The following PROM1 variants were observed in gnomAD, a reference collection of about 807,000 sequenced individuals.
PROM1 encodes the protein prominin-1.
In PROM1, 105 loss-of-function variants were observed where a neutral mutation model predicts 116.9. That is an observed-to-expected ratio of 0.90 (90% CI 0.77 to 1.06). The LOEUF is 1.06. Among genes scored for constraint, PROM1 ranks in the 50% least tolerant of loss-of-function variants. PROM1 has a pLI of 0.00. For synonymous variants in PROM1, 393 were observed against 387.0 expected (o/e 1.02, Z -0.18); for missense variants, 1,122 against 1,045.2 (o/e 1.07, Z -1.01).
intron 2 of PROM1, among the ~76,000 whole-genome samples, chr4:16,065,432 C>CA (rs1475871740): frequency 1.1e-4 from 16 of 152,074 alleles, no homozygotes; most frequent in African/African-American, 3.9e-4. Flanking sequence ...TGATTGCCCC[C>CA]ACCATGACCA....
chr4:16,021,106 A>AAG (rs1364673172), intron 8 of PROM1, among the ~76,000 whole-genome samples: 1 of 151,928 alleles, frequency 6.6e-6, no homozygotes, highest in Non-Finnish European at 1.5e-5. Context: ...GCCAAAAAAA[A>AAG]AAAAAAAATG....
At chr4:16,050,753 T>C (rs147877150) in intron 2 of PROM1, among the ~76,000 whole-genome samples, 1 of 152,374 alleles carries the variant, frequency 6.6e-6, no homozygotes, top group Non-Finnish European at 1.5e-5. Flanking sequence ...AAGTTTATTC[T>C]GATGCAAAAA....
chr4:16,059,532 T>C (rs1739829820), intron 2 of PROM1, among the ~76,000 whole-genome samples: 1 of 152,088 alleles, frequency 6.6e-6, no homozygotes, highest in Admixed American at 6.6e-5. Flanking sequence ...GGGGAGATCC[T>C]GTCTCTCTAA....
chr4:16,026,129 C>T (rs1731208727), intron 5 of PROM1, among the ~76,000 whole-genome samples: 2 of 152,098 alleles, frequency 1.3e-5, no homozygotes. Context: ...TGCAAAAACG[C>T]CATATGAAAG....
chr4:15,994,592 G>C (rs567728316), intron 15 of PROM1, among the ~76,000 whole-genome samples: 2 of 152,294 alleles, frequency 1.3e-5, no homozygotes, highest in African/African-American at 4.8e-5. Context: ...TCGATGGTCA[G>C]CACAGTTTGG....
At chr4:16,067,089 G>T (rs1741715257) in intron 2 of PROM1, among the ~76,000 whole-genome samples, 1 of 152,170 alleles carries the variant, frequency 6.6e-6, no homozygotes. Context: ...CACGTCACCT[G>T]CCACTCAAAC....
At chr4:15,969,403 C>T (rs1361739203) in intron 27 of PROM1, 35 bp from the exon 28 acceptor site, 2 of 152,116 alleles carry the variant, frequency 1.3e-5, no homozygotes, top group African/African-American at 2.4e-5. Flanking sequence ...TTAGAAATTG[C>T]TTTTGAATTA....
intron 12 of PROM1, among the ~76,000 whole-genome samples, 178 bp downstream of exon 12, chr4:16,008,771 C>A (rs1459940776): frequency 3.9e-5 from 6 of 152,202 alleles, no homozygotes; most frequent in Non-Finnish European, 7.3e-5. Flanking sequence ...TATGTGCTGC[C>A]TGGTCTAAGC....
At chr4:16,072,835 C>G (rs990389726) in intron 2 of PROM1, among the ~76,000 whole-genome samples, 1 of 152,082 alleles carries the variant, frequency 6.6e-6, no homozygotes, top group Non-Finnish European at 1.5e-5. Context: ...CTTTGCAGAC[C>G]CTGTGTTTTG....
chr4:15,989,503 G>C (rs1215653671), intron 19 of PROM1, among the ~76,000 whole-genome samples: 2 of 152,258 alleles, frequency 1.3e-5, no homozygotes, highest in Non-Finnish European at 2.9e-5. Context: ...GGAAGAGACA[G>C]CCACAGATTT....
At position 16,072,963 on chromosome 4, in the gene PROM1, C is replaced by T. The variant is rs1743136075; in HGVS notation, c.220+2724G>A. On this transcript the variant is annotated intron_variant, in intron 2 of 27. Transcript: ENST00000447510. ...ATTCCCTATGATTTCATCTTCTACCCGACCAATCAGCACTCCCCACTTTCT... is the reference window on the plus strand; with the variant it reads ...ATTCCCTATGATTTCATCTTCTACCTGACCAATCAGCACTCCCCACTTTCT... Among the ~76,000 whole-genome samples the T allele has an allele frequency of 2.6e-5, 4 of 152,224 alleles. No homozygotes were observed. In the South Asian group the frequency reaches 6.2e-4, roughly 24 times the overall value.
intron 2 of PROM1, among the ~76,000 whole-genome samples, chr4:16,069,987 C>T (rs1742437691): frequency 2.0e-5 from 3 of 152,196 alleles, no homozygotes; most frequent in East Asian, 1.9e-4. Flanking sequence ...TCAGCTAATG[C>T]GATTGGGTAA....
intron 23 of PROM1, among the ~76,000 whole-genome samples, chr4:15,983,581 T>C (rs565239897): frequency 6.6e-6 from 1 of 152,146 alleles, no homozygotes; most frequent in African/African-American, 2.4e-5. Context: ...GGCATGTGCA[T>C]GGGCCCTAAG....
rs1714423822 is a variant in PROM1, at chr4:15,971,088, A to T, written c.2583-6T>A. The T allele has an allele frequency of 6.4e-7, 1 of 1,565,098 alleles. No individual in the cohort carries two copies. The highest frequency in any genetic ancestry group is 1.4e-5 in the African/African-American group (1 of 73,752). ...GCTATCAATGTTGTGATGGGCTAAA[A>T]AACAAAAAAATAAAGAAATATAATA... On this transcript the variant is annotated splice_region_variant and splice_polypyrimidine_tract_variant and intron_variant, in intron 26 of 27. Coordinates refer to ENST00000447510, the MANE Select transcript of PROM1 (RefSeq NM_006017.3).
chr4:16,056,504 T>C (rs762603316), intron 2 of PROM1, among the ~76,000 whole-genome samples: 1 of 151,604 alleles, frequency 6.6e-6, no homozygotes, highest in Non-Finnish European at 1.5e-5. Flanking sequence ...ATGTTTAGAG[T>C]CTATCAAGTG....
rs1731084174 is a variant in PROM1 at position 16,025,714 on chromosome 4, C to CAG, written c.510-403_510-402insCT. On this transcript the variant is annotated intron_variant, in intron 5 of 27. Coordinates refer to ENST00000447510, the MANE Select transcript of PROM1 (RefSeq NM_006017.3). ...ACATATGCATGTGTGTGAACACACA[C>CAG]ACACGCACACACACACACACACACA... Among the ~76,000 whole-genome samples, 4 of 116,670 alleles carry CAG rather than the reference C, an allele frequency of 3.4e-5. No individual in the cohort carries two copies. The South Asian group carries it at 1.0e-3, about 29-fold the overall frequency. The allele number at this position is 116,670 out of a possible 152,430, so 76.5% of individuals were successfully genotyped here. A position where few individuals can be genotyped will look rare whatever the true frequency, so the allele number is the denominator to read the frequency against.
rs75884627 is a variant in PROM1, at chr4:16,001,615, C to G, written c.1455-996G>C. 4.7e-3 allele frequency among the ~76,000 whole-genome samples: 711 copies of G among 152,228 alleles called. 29 individuals carry two copies. In the East Asian group the frequency reaches 0.11, roughly 23 times the overall value. On this transcript the variant is annotated intron_variant, in intron 13 of 27. Transcript: ENST00000447510. ...AGTGTTTGCAGGAGGAAGGAATGGT[C>G]GGCTGTCACCAACCAATGTGCTGTC...
chr4:16,067,283 T>A (rs1203245291), intron 2 of PROM1, among the ~76,000 whole-genome samples: 1 of 152,196 alleles, frequency 6.6e-6, no homozygotes, highest in African/African-American at 2.4e-5. Context: ...CTCCTTAGCC[T>A]CTGAGTCTCA....
At chr4:16,009,131 T>C in intron 11 of PROM1, 23 bp from the exon 12 acceptor site, 3 of 1,603,334 alleles carry the variant, frequency 1.9e-6, no homozygotes, top group East Asian at 2.2e-5. Context: ...ATACCTTTGT[T>C]ATGCATTTGC....
Sources: gnomAD v4.1 joint callset for allele counts (sites outside exome capture counted in the v4.1 genomes callset) on GRCh38, gnomAD v4.1.1 for gene constraint, MANE v1.5 for transcripts, NCBI Gene and HGNC (gene_info 2026-07-23, HGNC 2026-07-21) for gene names.